The following SNTG2 variants were observed in gnomAD, a reference collection of about 807,000 sequenced individuals.
The protein encoded by SNTG2 is syntrophin gamma 2, also known as gamma-2-syntrophin.
Under a neutral mutation model 70.9 loss-of-function variants are expected in SNTG2, and 74 were observed. The ratio of observed to expected loss-of-function variants is 1.04; its 90% CI spans 0.86 to 1.27. The LOEUF (loss-of-function observed/expected upper bound fraction) is 1.27, where lower values mean the gene tolerates loss of function less well. Ranked by LOEUF, SNTG2 falls within the 50% of genes most tolerant of loss-of-function variation. The pLI, the probability that SNTG2 is intolerant of heterozygous loss-of-function variation, is 0.00. For missense variants in SNTG2, 717 were observed against 690.7 expected (o/e 1.04, Z -0.43); for synonymous variants, 278 against 273.8 (o/e 1.02, Z -0.15).
intron 8 of SNTG2, among the ~76,000 whole-genome samples, chr2:1,195,604 TG>T (rs1402513122): frequency 2.6e-5 from 4 of 152,366 alleles, no homozygotes; most frequent in African/African-American, 9.6e-5. Context: ...TTAAGTTCTT[TG>T]TAGATTCTGG....
chr2:1,087,057 C>G (rs889072003), intron 2 of SNTG2, among the ~76,000 whole-genome samples: 1 of 152,004 alleles, frequency 6.6e-6, no homozygotes, highest in African/African-American at 2.4e-5. Flanking sequence ...ATCCGGGGTG[C>G]TAAGGAGCAG....
At chr2:1,043,666 G>A (rs910350288) in intron 1 of SNTG2, among the ~76,000 whole-genome samples, 9 of 152,146 alleles carry the variant, frequency 5.9e-5, no homozygotes, top group African/African-American at 2.2e-4. Flanking sequence ...TTACTGAATA[G>A]GAAGTTCTTT....
Position 1,172,050 on chromosome 2 carries a change from G to A in SNTG2, c.500-1042G>A, listed in dbSNP as rs140012449. ...CAAATGCATGGAGTTGTGTCCACCA[G>A]GCTTTCTTCAGCTTCACAGGGGTCT... On this transcript the variant is annotated intron_variant, in intron 7 of 16. Transcript: ENST00000308624. 2.6e-5 allele frequency among the ~76,000 whole-genome samples: 4 copies of A among 152,304 alleles called. No individual in the cohort carries two copies. The East Asian group carries it at 5.8e-4, about 22-fold the overall frequency.
chr2:1,069,870 A>G (rs943309875), intron 1 of SNTG2, among the ~76,000 whole-genome samples: 1 of 152,104 alleles, frequency 6.6e-6, no homozygotes, highest in African/African-American at 2.4e-5. Flanking sequence ...TCAGCTCAAG[A>G]GATGTCCCCG....
intron 2 of SNTG2, among the ~76,000 whole-genome samples, chr2:1,083,995 C>G (rs904971291): frequency 6.6e-5 from 10 of 151,402 alleles, no homozygotes; most frequent in Non-Finnish European, 2.9e-5. Flanking sequence ...GAGCCAAGAT[C>G]GCACCACTGC....
intron 1 of SNTG2, among the ~76,000 whole-genome samples, chr2:974,759 C>T (rs1660855513): frequency 6.6e-6 from 1 of 152,078 alleles, no homozygotes; most frequent in South Asian, 2.1e-4. Context: ...ACTTTTTACT[C>T]TCTGGAATGT....
chr2:1,230,328 A>G (rs1572809614), intron 9 of SNTG2, among the ~76,000 whole-genome samples: 1 of 152,314 alleles, frequency 6.6e-6, no homozygotes, highest in Middle Eastern at 3.4e-3. Context: ...GATCAGAGGG[A>G]CGGGCACTGG....
At chr2:1,144,078 G>A (rs986862551) in intron 6 of SNTG2, among the ~76,000 whole-genome samples, 1 of 152,078 alleles carries the variant, frequency 6.6e-6, no homozygotes, top group Non-Finnish European at 1.5e-5. Flanking sequence ...CTACCCAAGG[G>A]TGTGCTTATC....
chr2:984,611 G>A (rs908703141), intron 1 of SNTG2, among the ~76,000 whole-genome samples: 5 of 152,174 alleles, frequency 3.3e-5, no homozygotes, highest in African/African-American at 4.8e-5. Flanking sequence ...TGTCCTGAGC[G>A]CCATGAGGTC....
chr2:1,291,404 A>G (rs796396981), intron 14 of SNTG2, among the ~76,000 whole-genome samples: 43 of 152,282 alleles, frequency 2.8e-4, no homozygotes, highest in African/African-American at 9.4e-4. Context: ...TTGGTGTCAT[A>G]TCCAAGAAAT....
At position 952,501 on chromosome 2, in the gene SNTG2, G is replaced by A. The variant is rs137881274; in HGVS notation, c.72+1433G>A. ...AGCAACTGCGCGTATTCTAGTAAAT[G>A]CTCTCCTTTGCGCTCAGTATTAATT... On this transcript the variant is annotated intron_variant, in intron 1 of 16. Coordinates refer to ENST00000308624, the MANE Select transcript of SNTG2 (RefSeq NM_018968.4). Among the ~76,000 whole-genome samples the A allele has an allele frequency of 5.8e-4, 89 of 152,348 alleles. No individual in the cohort carries two copies. In the East Asian group the frequency reaches 0.015, roughly 25 times the overall value.
chr2:1,186,555 A>G (rs1352137292), intron 8 of SNTG2, among the ~76,000 whole-genome samples: 2 of 152,200 alleles, frequency 1.3e-5, no homozygotes, highest in South Asian at 4.1e-4. Context: ...ATGGCTAGGG[A>G]GACCTCAGAA....
At chr2:1,258,961 T>C (rs567756830) in intron 12 of SNTG2, among the ~76,000 whole-genome samples, 19 of 152,346 alleles carry the variant, frequency 1.2e-4, no homozygotes, top group African/African-American at 4.6e-4. Context: ...TGTACTCCAG[T>C]AAATATATAA....
At chr2:1,271,661 C>T (rs1224685536) in intron 14 of SNTG2, among the ~76,000 whole-genome samples, 1 of 152,064 alleles carries the variant, frequency 6.6e-6, no homozygotes, top group Non-Finnish European at 1.5e-5. Flanking sequence ...TGTGGCTCCC[C>T]TCCCAGTCAT....
intron 6 of SNTG2, among the ~76,000 whole-genome samples, chr2:1,139,971 TAAATTATTAGAG>T: frequency 6.6e-6 from 1 of 152,282 alleles, no homozygotes; most frequent in Middle Eastern, 3.4e-3. Flanking sequence ...TGATACAAAA[TAAATTATTAGAG>T]AAATGCTAAT....
intron 8 of SNTG2, among the ~76,000 whole-genome samples, chr2:1,196,622 G>A (rs1296229377): frequency 5.3e-5 from 8 of 152,034 alleles, no homozygotes. Context: ...TCTGAAAACA[G>A]CAAGAGAAAA....
chr2:1,284,735 A>G (rs909705592), intron 14 of SNTG2, among the ~76,000 whole-genome samples: 1 of 152,168 alleles, frequency 6.6e-6, no homozygotes, highest in Non-Finnish European at 1.5e-5. Flanking sequence ...TAAATCACCA[A>G]TTCTAAATAC....
Position 1,255,792 on chromosome 2 carries a change from G to GTA in SNTG2, c.1006-3565_1006-3564dup, listed in dbSNP as rs60809596. On this transcript the variant is annotated intron_variant, in intron 12 of 16. Coordinates refer to ENST00000308624, the MANE Select transcript of SNTG2 (RefSeq NM_018968.4). ...ATCTTCTAATTATATGTGTGTGTGT[G>GTA]TATATATATATATACACAAAGTTGT... Among the ~76,000 whole-genome samples, 1,068 of 130,074 alleles carry GTA rather than the reference G, an allele frequency of 8.2e-3. 27 individuals carry two copies. Among genetic ancestry groups the GTA allele is most frequent in the African/African-American group, 0.028 (992 of 35,072 alleles). 85.3% of individuals were successfully genotyped at this position (130,074 alleles called of 152,430 possible).
intron 16 of SNTG2, among the ~76,000 whole-genome samples, chr2:1,359,819 A>C (rs1661043927): frequency 6.6e-6 from 1 of 152,198 alleles, no homozygotes; most frequent in African/African-American, 2.4e-5. Context: ...GTGCTTCCAT[A>C]AACTAATCTT....
Sources: gnomAD v4.1 joint callset for allele counts (sites outside exome capture counted in the v4.1 genomes callset) on GRCh38, gnomAD v4.1.1 for gene constraint, MANE v1.5 for transcripts, NCBI Gene and HGNC (gene_info 2026-07-23, HGNC 2026-07-21) for gene names.